FAM227A: variants seen among roughly 807,000 people sequenced by gnomAD.
FAM227A encodes the protein protein FAM227A.
Under a neutral mutation model 74.7 loss-of-function variants are expected in FAM227A, and 80 were observed. That is an observed-to-expected ratio of 1.07 (90% CI 0.89 to 1.29). The LOEUF is 1.29. Ranked by LOEUF, FAM227A falls within the 50% of genes most tolerant of loss-of-function variation. The pLI, the probability that FAM227A is intolerant of heterozygous loss-of-function variation, is 0.00. For synonymous variants in FAM227A, 237 were observed against 241.8 expected (o/e 0.98, Z 0.19); for missense variants, 654 against 683.4 (o/e 0.96, Z 0.48).
intron 11 of FAM227A, among the ~76,000 whole-genome samples, chr22:38,616,548 C>T (rs1215346316): frequency 6.6e-6 from 1 of 152,000 alleles, no homozygotes; most frequent in Non-Finnish European, 1.5e-5. Context: ...AGCCTGTAAT[C>T]CCACCTACTC....
At position 38,582,566 on chromosome 22, in the gene FAM227A, G is replaced by C; in HGVS notation, c.*3559C>G. Reference sequence around the variant, plus strand: ...TTTTCCCTTCTAATGTTTACAAAGGGCAGAGACAGGTTTCTTCATATTTAA... The same window carrying C: ...TTTTCCCTTCTAATGTTTACAAAGGCCAGAGACAGGTTTCTTCATATTTAA... On this transcript the variant is annotated 3_prime_UTR_variant, in exon 17 of 17. Coordinates refer to ENST00000535113, the MANE Select transcript of FAM227A (RefSeq NM_001013647.2). The C allele has an allele frequency of 1.2e-6, 1 of 846,138 alleles. No homozygotes were observed. The highest frequency in any genetic ancestry group is 1.8e-6 in the Non-Finnish European group (1 of 556,474). 52.4% of individuals were successfully genotyped at this position (846,138 alleles called of 1,614,324 possible). A position where few individuals can be genotyped will look rare whatever the true frequency, so the allele number is the denominator to read the frequency against.
In FAM227A at chr22:38,582,809, G is replaced by A; in HGVS notation, c.*3316C>T. The A allele has an allele frequency of 6.5e-7, 1 of 1,546,896 alleles. No individual in the cohort carries two copies. The highest frequency in any genetic ancestry group is 8.7e-7 in the Non-Finnish European group (1 of 1,144,832). ...CTACTATGGTAACTGCTGCCATAAT[G>A]GGATGGCACAGAATGCTGTTGGAGC... On this transcript the variant is annotated 3_prime_UTR_variant, in exon 17 of 17. Transcript: ENST00000535113.
At chr22:38,644,326 A>C (rs1312858629) in intron 3 of FAM227A, among the ~76,000 whole-genome samples, 1 of 151,528 alleles carries the variant, frequency 6.6e-6, no homozygotes, top group African/African-American at 2.4e-5. Flanking sequence ...AAAGAGGTGA[A>C]CAGGTGGAGC....
rs1475330884 is a variant in FAM227A at position 38,645,628 on chromosome 22, T to C, written c.160A>G (p.Met54Val). The change falls in exon 3 of 17, where the codon ATG becomes GTG. Residue 54 changes from methionine (M) to valine (V), a missense_variant. Met to Val is a conservative substitution (Grantham distance 21, BLOSUM62 1). Coordinates refer to ENST00000535113, the MANE Select transcript of FAM227A (RefSeq NM_001013647.2). ...NNPPSCLIGS[M>V]HQVNQKIADI... is the part of the protein sequence containing the mutation. ...GCAATCTTTTGGTTCACCTGGTGCA[T>C]GGAGCCAATAAGGCATGCTGGGAGG... The C allele has an allele frequency of 8.4e-6, 13 of 1,551,216 alleles. No individual in the cohort carries two copies. The highest frequency in any genetic ancestry group is 1.1e-5 in the Non-Finnish European group (13 of 1,146,740).
Position 38,582,717 on chromosome 22 carries a change from A to G in FAM227A, c.*3408T>C. On this transcript the variant is annotated 3_prime_UTR_variant, in exon 17 of 17. Transcript: ENST00000535113. The stretch of plus-strand genomic sequence containing the variant: ...ATGCAGTTTGTCCTGGGCTTAGAAA[A>G]TAAGGAGACCTTCTTGCTGTATGGG... 6.1e-6 allele frequency: 7 copies of G among 1,140,984 alleles called. No homozygotes were observed. The highest frequency in any genetic ancestry group is 8.7e-6 in the Non-Finnish European group (7 of 805,474). 70.7% of individuals were successfully genotyped at this position (1,140,984 alleles called of 1,614,324 possible).
At chr22:38,607,820 CGAGTGCTCAAGGT>C (rs1475505986) in intron 11 of FAM227A, among the ~76,000 whole-genome samples, 1 of 152,150 alleles carries the variant, frequency 6.6e-6, no homozygotes, top group East Asian at 1.9e-4. Context: ...GCAAATTACA[CGAGTGCTCAAGGT>C]GAGTGCTTCA....
Position 38,605,248 on chromosome 22 carries a change from G to A in FAM227A, c.1221+6C>T. On this transcript the variant is annotated splice_donor_region_variant and intron_variant, in intron 13 of 16. Transcript: ENST00000535113. ...TTTACTATTAAATTTCCAATCATGT[G>A]CTCACCTTTTTAGGAAACATATTCT... is the stretch of plus-strand genomic sequence containing the variant. 6.6e-7 allele frequency: 1 copy of A among 1,507,342 alleles called. No homozygotes were observed. Among genetic ancestry groups the A allele is most frequent in the Non-Finnish European group, 9.0e-7 (1 of 1,106,668 alleles). 93.4% of individuals were successfully genotyped at this position (1,507,342 alleles called of 1,614,324 possible).
rs1044876566 is a variant in FAM227A at position 38,620,088 on chromosome 22, T to C, written c.1038+124A>G. 4 of 655,096 alleles carry C rather than the reference T, an allele frequency of 6.1e-6. No homozygotes were observed. In the South Asian group the frequency reaches 7.7e-5, roughly 13 times the overall value. 40.6% of individuals were successfully genotyped at this position (655,096 alleles called of 1,614,324 possible). On this transcript the variant is annotated intron_variant, in intron 11 of 16. Coordinates refer to ENST00000535113, the MANE Select transcript of FAM227A (RefSeq NM_001013647.2). ...AGGGCTCCTCACTTAGAAGATGGAGTGGACCTGGGCAAGGGGTACAGAGAT... is the reference window on the plus strand; with the variant it reads ...AGGGCTCCTCACTTAGAAGATGGAGCGGACCTGGGCAAGGGGTACAGAGAT...
At chr22:38,616,267 G>T (rs901383571) in intron 11 of FAM227A, among the ~76,000 whole-genome samples, 1 of 152,242 alleles carries the variant, frequency 6.6e-6, no homozygotes, top group African/African-American at 2.4e-5. Context: ...CTCAGTCCAA[G>T]CCAGTGGGGT....
intron 6 of FAM227A, among the ~76,000 whole-genome samples, chr22:38,635,584 T>G (rs1438054338): frequency 6.6e-6 from 1 of 152,160 alleles, no homozygotes; most frequent in Non-Finnish European, 1.5e-5. Flanking sequence ...CTTAGAATAC[T>G]TCCTTGCTTT....
Position 38,583,059 on chromosome 22 carries a change from T to G in FAM227A, c.*3066A>C. The stretch of plus-strand genomic sequence containing the variant: ...TCCTAGAGAAACTGCAAATGAAGAG[T>G]TGACAGTGGCTGGGGTAGTAAAGGG... On this transcript the variant is annotated 3_prime_UTR_variant, in exon 17 of 17. Transcript: ENST00000535113. The G allele has an allele frequency of 1.6e-6, 2 of 1,247,284 alleles. No individual in the cohort carries two copies. The highest frequency in any genetic ancestry group is 2.2e-6 in the Non-Finnish European group (2 of 889,544). 77.3% of individuals were successfully genotyped at this position (1,247,284 alleles called of 1,614,324 possible).
In FAM227A at chr22:38,579,240, T is replaced by C. The variant is rs2090686031; in HGVS notation, c.*6885A>G. 1.3e-5 allele frequency: 2 copies of C among 152,208 alleles called. No individual in the cohort carries two copies. The allele number at this position is 152,208 out of a possible 1,614,324, so 9.4% of individuals were successfully genotyped here. A position where few individuals can be genotyped will look rare whatever the true frequency, so the allele number is the denominator to read the frequency against. On this transcript the variant is annotated 3_prime_UTR_variant, in exon 17 of 17. Transcript: ENST00000535113. The stretch of plus-strand genomic sequence containing the variant: ...GGTCTTGGGAAAATTATTTAACCTC[T>C]CTGTGCCTGAGTTTCGGTATCTGAA...
At chr22:38,607,515 AG>A in intron 11 of FAM227A, 39 bp from the exon 12 acceptor site, 1 of 1,258,480 alleles carries the variant, frequency 7.9e-7, no homozygotes, top group African/African-American at 1.5e-5. Flanking sequence ...GGAGAAAGCG[AG>A]AGAGAGAGAA....
intron 3 of FAM227A, among the ~76,000 whole-genome samples, chr22:38,644,338 CAG>C (rs1328785541): frequency 6.6e-6 from 1 of 150,780 alleles, no homozygotes; most frequent in African/African-American, 2.5e-5. Flanking sequence ...AGGTGGAGCA[CAG>C]AGGACTGTTG....
intron 9 of FAM227A, among the ~76,000 whole-genome samples, chr22:38,625,943 C>CAAA (rs141715277): frequency 6.9e-4 from 49 of 71,516 alleles, no homozygotes; most frequent in East Asian, 1.5e-3. Flanking sequence ...ACTCTATCTC[C>CAAA]AAAAAAAAAA....
Position 38,628,918 on chromosome 22 carries a change from T to G in FAM227A, c.537A>C (p.Arg179Ser). 1 of 1,534,716 alleles carries G rather than the reference T, an allele frequency of 6.5e-7. No individual in the cohort carries two copies. The part of the protein sequence containing the change: ...CLSGKHFCSG[R>S]ELEKFLSSSS... ...AAGAAGAGAGAAACTTCTCTAATTCTCTACCTGAACAGAAATGCTTGGAAA... is the reference window on the plus strand; with the variant it reads ...AAGAAGAGAGAAACTTCTCTAATTCGCTACCTGAACAGAAATGCTTGGAAA... Residue 179 changes from arginine to serine, a missense_variant, in exon 7 of 17, where the codon AGA (arginine) becomes AGC (serine). Physicochemically the swap from Arg to Ser is moderately radical, Grantham distance 110 (BLOSUM62 -1). Coordinates refer to ENST00000535113, the MANE Select transcript of FAM227A (RefSeq NM_001013647.2).
chr22:38,600,671 G>A (rs1222360007), intron 13 of FAM227A, among the ~76,000 whole-genome samples: 1 of 151,964 alleles, frequency 6.6e-6, no homozygotes, highest in Non-Finnish European at 1.5e-5. Flanking sequence ...AAATAATTTA[G>A]TAAAAGCCAG....
chr22:38,623,959 CA>C (rs548083035), intron 9 of FAM227A, among the ~76,000 whole-genome samples: 148 of 152,240 alleles, frequency 9.7e-4, no homozygotes, highest in Admixed American at 8.5e-4. Flanking sequence ...ACAAAGTGGA[CA>C]GGGGGTTTAT....
chr22:38,632,181 G>A (rs572894817), intron 6 of FAM227A, among the ~76,000 whole-genome samples: 1 of 152,268 alleles, frequency 6.6e-6, no homozygotes, highest in African/African-American at 2.4e-5. Flanking sequence ...AGTCTGCAGT[G>A]TAGTGAAGGC....
Sources: gnomAD v4.1 joint callset for allele counts (sites outside exome capture counted in the v4.1 genomes callset) on GRCh38, gnomAD v4.1.1 for gene constraint, MANE v1.5 for transcripts, NCBI Gene and HGNC (gene_info 2026-07-23, HGNC 2026-07-21) for gene names.